Variants in ARMC2 observed in about 807,000 individuals in gnomAD.
ARMC2 encodes armadillo repeat containing 2.
A neutral mutation model predicts 90.3 loss-of-function variants in ARMC2; 67 were observed. That is an observed-to-expected ratio of 0.74 (90% CI 0.61 to 0.91). ARMC2 has a LOEUF of 0.91. Among genes scored for constraint, ARMC2 ranks in the 40% least tolerant of loss-of-function variants. The probability of loss-of-function intolerance (pLI) is 0.00; values close to 1 mark genes in which losing one functional copy is unlikely to be tolerated. For synonymous variants in ARMC2, 393 were observed against 393.0 expected (o/e 1.00, Z 0.00); for missense variants, 920 against 1,030.9 (o/e 0.89, Z 1.47).
chr6:109,031,537 G>C, the ARMC2 span, among the ~76,000 whole-genome samples: 6 of 152,096 alleles, frequency 3.9e-5, no homozygotes, highest in Admixed American at 6.5e-5. Flanking sequence ...TCAGCCTAAA[G>C]TTAGAAGTCA....
chr6:108,989,944 A>G, the ARMC2 span, among the ~76,000 whole-genome samples: 1 of 152,230 alleles, frequency 6.6e-6, no homozygotes, highest in South Asian at 2.1e-4. Flanking sequence ...GCTACTGATT[A>G]GTGGGAAATT....
At chr6:109,030,229 C>G in the ARMC2 span, among the ~76,000 whole-genome samples, 5 of 152,110 alleles carry the variant, frequency 3.3e-5, no homozygotes, top group Non-Finnish European at 2.9e-5. Context: ...CTAGGACCCC[C>G]CGATCTAAGA....
chr6:109,016,351 G>T, the ARMC2 span, among the ~76,000 whole-genome samples: 3 of 152,084 alleles, frequency 2.0e-5, no homozygotes, highest in African/African-American at 7.2e-5. Flanking sequence ...TCTGCAATAT[G>T]TGCTTTTCTT....
the ARMC2 span, among the ~76,000 whole-genome samples, chr6:109,025,303 C>T: frequency 2.6e-5 from 4 of 151,960 alleles, no homozygotes; most frequent in Admixed American, 2.6e-4. Context: ...TCCCTTATTA[C>T]CTACCTGCTC....
intron 10 of ARMC2, among the ~76,000 whole-genome samples, chr6:108,926,734 A>C (rs1406094734): frequency 6.6e-6 from 1 of 152,172 alleles, no homozygotes; most frequent in African/African-American, 2.4e-5. Flanking sequence ...CCAAAAAAAA[A>C]AAGTCCATTC....
the ARMC2 span, among the ~76,000 whole-genome samples, chr6:108,981,923 TCCCAAAG>T: frequency 6.6e-6 from 1 of 152,168 alleles, no homozygotes; most frequent in Non-Finnish European, 1.5e-5. Context: ...TGCCTCAGCC[TCCCAAAG>T]TGCTGGGATT....
intron 2 of ARMC2, among the ~76,000 whole-genome samples, chr6:108,854,881 C>T (rs1051900827): frequency 1.3e-5 from 2 of 152,194 alleles, no homozygotes; most frequent in Non-Finnish European, 2.9e-5. Context: ...AAATTCTTCA[C>T]TCTGCTTATT....
chr6:108,886,897 T>C (rs560470032), intron 5 of ARMC2, among the ~76,000 whole-genome samples: 1 of 148,088 alleles, frequency 6.8e-6, no homozygotes. Flanking sequence ...TTTTTTTGTT[T>C]GTTTGTTTTG....
chr6:108,896,098 A>T (rs1771588280), intron 6 of ARMC2, among the ~76,000 whole-genome samples: 1 of 152,130 alleles, frequency 6.6e-6, no homozygotes, highest in Admixed American at 6.5e-5. Context: ...GAATTTCTTT[A>T]CTCAGGAAAA....
chr6:109,021,603 A>G, the ARMC2 span, among the ~76,000 whole-genome samples: 1 of 151,926 alleles, frequency 6.6e-6, no homozygotes, highest in Admixed American at 6.6e-5. Context: ...AAGCCTGGCT[A>G]ATTTTTTTTT....
At chr6:108,907,825 T>A in intron 8 of ARMC2, 1 of 1,611,236 alleles carries the variant, frequency 6.2e-7, no homozygotes, top group South Asian at 1.1e-5. Flanking sequence ...GCTCCCCCAG[T>A]TTGACCTCCA....
At chr6:109,030,006 C>T in the ARMC2 span, among the ~76,000 whole-genome samples, 2 of 152,156 alleles carry the variant, frequency 1.3e-5, no homozygotes, top group Non-Finnish European at 2.9e-5. Context: ...GTACCCAACC[C>T]TCAAAATGTT....
chr6:108,861,082 T>A (rs1220352481), intron 3 of ARMC2, among the ~76,000 whole-genome samples: 2 of 152,216 alleles, frequency 1.3e-5, no homozygotes, highest in Non-Finnish European at 2.9e-5. Context: ...CTGGCTTTGG[T>A]AGCCTGACTG....
chr6:108,901,949 C>T (rs903118482), intron 7 of ARMC2, among the ~76,000 whole-genome samples: 7 of 152,132 alleles, frequency 4.6e-5, no homozygotes, highest in African/African-American at 7.2e-5. Flanking sequence ...GATGTTTTCC[C>T]GTGATGAGCT....
rs1322635148 is a variant in ARMC2, at chr6:108,848,460, CAGCGCT to C, written c.-129_-124del. 6.6e-6 allele frequency: 1 copy of C among 152,372 alleles called. No individual in the cohort carries two copies. Among genetic ancestry groups the C allele is most frequent in the African/African-American group, 2.4e-5 (1 of 41,476 alleles). 9.4% of individuals were successfully genotyped at this position (152,372 alleles called of 1,614,324 possible). A position where few individuals can be genotyped will look rare whatever the true frequency, so the allele number is the denominator to read the frequency against. On this transcript the variant is annotated 5_prime_UTR_variant, in exon 1 of 18. Coordinates refer to ENST00000392644, the MANE Select transcript of ARMC2 (RefSeq NM_032131.6). ...CGTCGTGGGGTTACCCCGCCCGCGC[CAGCGCT>C]GCATCCCTGGCCGCTACCCGGGGAG...
chr6:108,862,539 C>G (rs1293403805), intron 3 of ARMC2, among the ~76,000 whole-genome samples: 1 of 151,996 alleles, frequency 6.6e-6, no homozygotes, highest in Non-Finnish European at 1.5e-5. Context: ...TCAAAAAATT[C>G]TGAAAATGTC....
intron 3 of ARMC2, 143 bp from the exon 4 acceptor site, chr6:108,868,681 G>A (rs1359954582): frequency 1.5e-6 from 1 of 683,458 alleles, no homozygotes; most frequent in Non-Finnish European, 2.5e-6. Flanking sequence ...AGATGGGCCA[G>A]TGAGTTGGTA....
the ARMC2 span, among the ~76,000 whole-genome samples, chr6:109,052,494 G>A: frequency 6.6e-6 from 1 of 152,080 alleles, no homozygotes; most frequent in African/African-American, 2.4e-5. Flanking sequence ...TTAGACAGCT[G>A]AGATCAAACA....
intron 2 of ARMC2, 103 bp from the exon 3 acceptor site, chr6:108,858,096 T>C: frequency 1.2e-6 from 1 of 807,742 alleles, no homozygotes; most frequent in Non-Finnish European, 1.9e-6. Flanking sequence ...GGTTTATGCA[T>C]TGCATCCTTT....
Sources: allele counts gnomAD v4.1 joint callset (sites outside exome capture counted in the v4.1 genomes callset), GRCh38; gene constraint gnomAD v4.1.1; transcripts MANE v1.5; gene names NCBI Gene and HGNC (gene_info 2026-07-23, HGNC 2026-07-21).